The following MAN1A1 variants were observed in gnomAD, a reference collection of about 807,000 sequenced individuals.
MAN1A1 encodes the protein mannosidase alpha class 1A member 1, also known as mannosyl-oligosaccharide 1,2-alpha-mannosidase IA.
MAN1A1 carries 29 observed loss-of-function variants against 70.8 expected under a neutral mutation model. The ratio of observed to expected loss-of-function variants is 0.41; its 90% CI spans 0.31 to 0.56. The LOEUF (loss-of-function observed/expected upper bound fraction) is 0.56, where lower values mean the gene tolerates loss of function less well. Among genes scored for constraint, MAN1A1 ranks in the 20% least tolerant of loss-of-function variants. The pLI, the probability that MAN1A1 is intolerant of heterozygous loss-of-function variation, is 0.29. For synonymous variants in MAN1A1, 349 were observed against 330.1 expected (o/e 1.06, Z -0.62); for missense variants, 747 against 841.3 (o/e 0.89, Z 1.39).
At chr6:119,199,694 C>T (rs903786851) in intron 8 of MAN1A1, among the ~76,000 whole-genome samples, 3 of 151,618 alleles carry the variant, frequency 2.0e-5, no homozygotes, top group Non-Finnish European at 4.4e-5. Flanking sequence ...ATCGCTCAAG[C>T]CTAAAAGTTT....
At chr6:119,199,950 A>G (rs1200702260) in intron 8 of MAN1A1, among the ~76,000 whole-genome samples, 1 of 152,054 alleles carries the variant, frequency 6.6e-6, no homozygotes, top group Non-Finnish European at 1.5e-5. Flanking sequence ...AAAAAAAGAA[A>G]AAATATGAAT....
intron 2 of MAN1A1, among the ~76,000 whole-genome samples, chr6:119,340,859 C>T (rs1280861104): frequency 2.6e-5 from 4 of 152,050 alleles, no homozygotes; most frequent in Non-Finnish European, 4.4e-5. Flanking sequence ...CTTGAATGAA[C>T]GATGTAGAGC....
chr6:119,194,632 T>G (rs1364292776), intron 8 of MAN1A1, among the ~76,000 whole-genome samples: 1 of 152,144 alleles, frequency 6.6e-6, no homozygotes, highest in Non-Finnish European at 1.5e-5. Flanking sequence ...CCTATTATTA[T>G]TTGATAAATT....
intron 2 of MAN1A1, among the ~76,000 whole-genome samples, chr6:119,341,818 T>G (rs1773600199): frequency 6.6e-6 from 1 of 152,162 alleles, no homozygotes. Context: ...CTTCAATACT[T>G]AAGATAGATA....
chr6:119,250,644 C>CTGTGTG (rs1444671819), intron 5 of MAN1A1, among the ~76,000 whole-genome samples: 28 of 89,470 alleles, frequency 3.1e-4, no homozygotes, highest in African/African-American at 1.1e-3. Flanking sequence ...CTCTTGTTCT[C>CTGTGTG]TCTCTGTGTG....
At chr6:119,181,729 C>T (rs563837239) in intron 11 of MAN1A1, among the ~76,000 whole-genome samples, 19 of 151,988 alleles carry the variant, frequency 1.3e-4, no homozygotes, top group African/African-American at 4.6e-4. Flanking sequence ...TTTCTTTAAC[C>T]TTTTTCCAGC....
intron 12 of MAN1A1, 80 bp downstream of exon 12, chr6:119,180,232 G>T: frequency 3.1e-6 from 3 of 954,696 alleles, no homozygotes; most frequent in South Asian, 1.5e-5. Flanking sequence ...GATATTACTT[G>T]AATGTGTTCA....
At chr6:119,255,880 ATGTGT>A (rs1775444036) in intron 5 of MAN1A1, among the ~76,000 whole-genome samples, 1 of 152,210 alleles carries the variant, frequency 6.6e-6, no homozygotes, top group African/African-American at 2.4e-5. Flanking sequence ...AAAAAAAATT[ATGTGT>A]TGTATTTGTC....
chr6:119,245,818 T>C (rs953747098), intron 6 of MAN1A1, among the ~76,000 whole-genome samples: 2 of 152,166 alleles, frequency 1.3e-5, no homozygotes, highest in Non-Finnish European at 2.9e-5. Flanking sequence ...ACACATTATT[T>C]TTCACCACAT....
intron 5 of MAN1A1, among the ~76,000 whole-genome samples, chr6:119,258,916 C>G (rs1382419369): frequency 6.6e-6 from 1 of 152,134 alleles, no homozygotes; most frequent in Non-Finnish European, 1.5e-5. Flanking sequence ...AACCTCCTTT[C>G]TGTGCCTCAG....
chr6:119,333,881 G>A (rs1260150846), intron 2 of MAN1A1, among the ~76,000 whole-genome samples: 1 of 152,106 alleles, frequency 6.6e-6, no homozygotes, highest in African/African-American at 2.4e-5. Flanking sequence ...TAATTCTTCA[G>A]ATCACAGGTG....
At chr6:119,335,408 G>A (rs897520312) in intron 2 of MAN1A1, among the ~76,000 whole-genome samples, 1 of 152,198 alleles carries the variant, frequency 6.6e-6, no homozygotes, top group Non-Finnish European at 1.5e-5. Context: ...GGCGTGGAAA[G>A]GGAGGACAGA....
chr6:119,249,292 G>A (rs1038202213), intron 5 of MAN1A1, among the ~76,000 whole-genome samples: 35 of 152,180 alleles, frequency 2.3e-4, no homozygotes, highest in African/African-American at 8.4e-4. Context: ...CCACAAATGC[G>A]AGGCTAAAAC....
At chr6:119,188,856 A>G (rs1330127176) in intron 10 of MAN1A1, among the ~76,000 whole-genome samples, 2 of 152,198 alleles carry the variant, frequency 1.3e-5, no homozygotes. Context: ...TAGGTGTTAT[A>G]CTGTATTGTT....
At chr6:119,255,792 T>A (rs1582740235) in intron 5 of MAN1A1, among the ~76,000 whole-genome samples, 1 of 152,366 alleles carries the variant, frequency 6.6e-6, no homozygotes, top group Admixed American at 6.5e-5. Flanking sequence ...TGGGCACACA[T>A]CTTTCTTTCA....
chr6:119,180,519 ATTT>A, intron 11 of MAN1A1, 92 bp from the exon 12 acceptor site: 1 of 570,636 alleles, frequency 1.8e-6, no homozygotes, highest in Non-Finnish European at 3.0e-6. Context: ...CAGATAAAAC[ATTT>A]TTTTTTTTTG....
At chr6:119,308,920 C>CTAGTAG (rs1772625797) in intron 2 of MAN1A1, among the ~76,000 whole-genome samples, 1 of 152,174 alleles carries the variant, frequency 6.6e-6, no homozygotes, top group African/African-American at 2.4e-5. Context: ...CAATGTACCA[C>CTAGTAG]TAGTAAAGGA....
At chr6:119,316,857 T>C (rs1772867450) in intron 2 of MAN1A1, among the ~76,000 whole-genome samples, 1 of 151,928 alleles carries the variant, frequency 6.6e-6, no homozygotes, top group Non-Finnish European at 1.5e-5. Context: ...AATTATTTAG[T>C]GATCGATGAA....
chr6:119,217,142 C>G (rs1169083334), intron 6 of MAN1A1, among the ~76,000 whole-genome samples: 1 of 152,164 alleles, frequency 6.6e-6, no homozygotes, highest in Non-Finnish European at 1.5e-5. Context: ...TGAGAATGGT[C>G]TAGTTGCTCA....
Sources: allele counts gnomAD v4.1 joint callset (sites outside exome capture counted in the v4.1 genomes callset), GRCh38; gene constraint gnomAD v4.1.1; transcripts MANE v1.5; gene names NCBI Gene and HGNC (gene_info 2026-07-23, HGNC 2026-07-21).